GAB2: variants seen among roughly 807,000 people sequenced by gnomAD.
The protein encoded by GAB2 is GRB2-associated-binding protein 2.
Under a neutral mutation model 65.5 loss-of-function variants are expected in GAB2, and 26 were observed. That is an observed-to-expected ratio of 0.40 (90% CI 0.29 to 0.55). The LOEUF (loss-of-function observed/expected upper bound fraction) is 0.55, where lower values mean the gene tolerates loss of function less well. Ranked by LOEUF, GAB2 falls within the 20% of genes least tolerant of loss-of-function variation. GAB2 has a pLI of 0.53. For missense variants in GAB2, 884 were observed against 875.8 expected, an observed-to-expected ratio of 1.01 and a Z score of -0.12; for synonymous variants, 321 against 329.6, an observed-to-expected ratio of 0.97 and a Z score of 0.28.
intron 3 of GAB2, among the ~76,000 whole-genome samples, chr11:78,247,359 G>C (rs957507407): frequency 6.6e-6 from 1 of 151,958 alleles, no homozygotes; most frequent in Non-Finnish European, 1.5e-5. Flanking sequence ...ATTCTTTTTC[G>C]GTTTCTACAT....
intron 1 of GAB2, among the ~76,000 whole-genome samples, chr11:78,330,740 A>C (rs561990059): frequency 6.6e-6 from 1 of 152,018 alleles, no homozygotes; most frequent in East Asian, 1.9e-4. Flanking sequence ...TTTGGTTAAC[A>C]TTTGGGTGCT....
chr11:78,286,887 A>G (rs975848434), intron 1 of GAB2, among the ~76,000 whole-genome samples: 4 of 152,234 alleles, frequency 2.6e-5, no homozygotes, highest in Non-Finnish European at 4.4e-5. Context: ...TGCAAGGAGA[A>G]TACGGGACAT....
intron 1 of GAB2, among the ~76,000 whole-genome samples, chr11:78,394,683 G>T (rs1024138936): frequency 2.6e-5 from 4 of 152,172 alleles, no homozygotes; most frequent in Non-Finnish European, 5.9e-5. Flanking sequence ...CCACTGTTTG[G>T]CACAGATATG....
intron 1 of GAB2, among the ~76,000 whole-genome samples, chr11:78,352,431 T>C (rs566358660): frequency 6.6e-6 from 1 of 152,348 alleles, no homozygotes; most frequent in Admixed American, 6.5e-5. Flanking sequence ...GCTCGGCGTG[T>C]CTGTGCCCTG....
At chr11:78,415,908 T>C (rs1297397623) in intron 1 of GAB2, among the ~76,000 whole-genome samples, 2 of 151,908 alleles carry the variant, frequency 1.3e-5, no homozygotes, top group African/African-American at 4.8e-5. Context: ...TTCTTTAGTG[T>C]ATAGTGTTCA....
chr11:78,369,932 A>G (rs1250234936), intron 1 of GAB2, among the ~76,000 whole-genome samples: 1 of 152,306 alleles, frequency 6.6e-6, no homozygotes, highest in South Asian at 2.1e-4. Flanking sequence ...AACATGTACC[A>G]TTTTAACAAA....
intron 2 of GAB2, among the ~76,000 whole-genome samples, chr11:78,276,942 C>T (rs532340293): frequency 2.0e-5 from 3 of 152,236 alleles, no homozygotes; most frequent in South Asian, 4.2e-4. Flanking sequence ...CTCAGCCTCC[C>T]GAGTAGCTAG....
intron 1 of GAB2, among the ~76,000 whole-genome samples, chr11:78,343,556 A>G (rs991655855): frequency 4.6e-5 from 7 of 152,216 alleles, no homozygotes; most frequent in Non-Finnish European, 7.3e-5. Flanking sequence ...TATTGTAGAC[A>G]TACTACAATG....
chr11:78,309,902 G>A (rs942338177), intron 1 of GAB2, among the ~76,000 whole-genome samples: 2 of 148,958 alleles, frequency 1.3e-5, no homozygotes, highest in Admixed American at 1.3e-4. Context: ...GTCCCAGTAC[G>A]GTTCACTTTG....
intron 1 of GAB2, among the ~76,000 whole-genome samples, chr11:78,296,478 C>T (rs1866831624): frequency 6.6e-6 from 1 of 151,736 alleles, no homozygotes; most frequent in Admixed American, 6.6e-5. Context: ...AGGCACATTA[C>T]AGCCTTCTTG....
chr11:78,220,419 A>G lies in GAB2; in HGVS notation c.1787T>C (p.Val596Ala). 1 of 1,589,712 alleles carries G rather than the reference A, an allele frequency of 6.3e-7. No individual in the cohort carries two copies. Among genetic ancestry groups the G allele is most frequent in the Admixed American group, 1.7e-5 (1 of 58,670 alleles). The change falls in exon 9 of 10, where the codon GTT (valine) becomes GCT (alanine). Residue 596 changes from valine to alanine, a missense_variant. By Grantham distance (64) the Val-to-Ala change is moderately conservative. Coordinates refer to ENST00000361507, the MANE Select transcript of GAB2 (RefSeq NM_080491.3). Reference protein sequence around the residue: ...PMQNPVSASPVPSGTNSPAPK... With the variant: ...PMQNPVSASPAPSGTNSPAPK... ...GGCAGGACTGTTCGTGCCACTGGGA[A>G]CGGGAGATGCAGACACTGGGTTTTG...
chr11:78,368,741 T>C (rs1441177027), intron 1 of GAB2, among the ~76,000 whole-genome samples: 8 of 151,048 alleles, frequency 5.3e-5, no homozygotes, highest in African/African-American at 1.7e-4. Context: ...ATAAACTCTA[T>C]AGGTTTAAAT....
chr11:78,221,356 A>G lies in GAB2; in HGVS notation c.1761+321T>C, dbSNP rs569975071. Among the ~76,000 whole-genome samples, 5 of 152,280 alleles carry G rather than the reference A, an allele frequency of 3.3e-5. No homozygotes were observed. In the East Asian group the frequency reaches 9.7e-4, roughly 29 times the overall value. On this transcript the variant is annotated intron_variant, in intron 8 of 9. Coordinates refer to ENST00000361507, the MANE Select transcript of GAB2 (RefSeq NM_080491.3). The stretch of plus-strand genomic sequence containing the variant: ...CTCTCACCACTGAGGAGATACCTCC[A>G]CCACTGAGGAGATACCTCCAGCACT...
At chr11:78,353,047 C>A (rs1856303824) in intron 1 of GAB2, among the ~76,000 whole-genome samples, 1 of 152,080 alleles carries the variant, frequency 6.6e-6, no homozygotes, top group Admixed American at 6.6e-5. Flanking sequence ...ACCAGTAGTC[C>A]TCAAAAAGTG....
intron 1 of GAB2, among the ~76,000 whole-genome samples, chr11:78,413,456 A>C (rs1322617941): frequency 6.6e-6 from 1 of 152,202 alleles, no homozygotes; most frequent in Non-Finnish European, 1.5e-5. Context: ...CAAGCAGTGA[A>C]GAGATTAATT....
intron 1 of GAB2, among the ~76,000 whole-genome samples, chr11:78,352,367 C>T (rs1302224636): frequency 6.6e-6 from 1 of 152,232 alleles, no homozygotes; most frequent in Non-Finnish European, 1.5e-5. Flanking sequence ...TGCAGGATGA[C>T]TTCACAGAAC....
At chr11:78,416,592 C>T (rs764277091) in intron 1 of GAB2, among the ~76,000 whole-genome samples, 6 of 152,128 alleles carry the variant, frequency 3.9e-5, no homozygotes, top group Non-Finnish European at 8.8e-5. Flanking sequence ...CACCACAGCC[C>T]GTTAAACAAG....
At chr11:78,401,385 T>C (rs1256346782) in intron 1 of GAB2, among the ~76,000 whole-genome samples, 1 of 152,258 alleles carries the variant, frequency 6.6e-6, no homozygotes, top group Non-Finnish European at 1.5e-5. Context: ...AGTAGAATCA[T>C]ACAGTATTTG....
chr11:78,272,169 A>C (rs541984576), intron 2 of GAB2, among the ~76,000 whole-genome samples: 1 of 152,362 alleles, frequency 6.6e-6, no homozygotes, highest in South Asian at 2.1e-4. Flanking sequence ...GGACTAATAC[A>C]GAAAATTGGT....
Sources: allele counts gnomAD v4.1 joint callset (sites outside exome capture counted in the v4.1 genomes callset), GRCh38; gene constraint gnomAD v4.1.1; transcripts MANE v1.5; gene names NCBI Gene and HGNC (gene_info 2026-07-23, HGNC 2026-07-21).